Variants in YIPF5 observed in about 807,000 individuals in gnomAD.
YIPF5 encodes the protein Yip1 domain family member 5.
Under a neutral mutation model 30.4 loss-of-function variants are expected in YIPF5, and 8 were observed. The ratio of observed to expected loss-of-function variants is 0.26; its 90% CI spans 0.15 to 0.47. The LOEUF is 0.47. Ranked by LOEUF, YIPF5 falls within the 20% of genes least tolerant of loss-of-function variation. YIPF5 has a pLI of 0.99. For missense variants in YIPF5, 282 were observed against 301.8 expected (o/e 0.93, Z 0.49); for synonymous variants, 104 against 107.9 (o/e 0.96, Z 0.23).
chr5:144,168,571 A>T (rs894132999), intron 2 of YIPF5, among the ~76,000 whole-genome samples: 1 of 152,244 alleles, frequency 6.6e-6, no homozygotes, highest in Non-Finnish European at 1.5e-5. Flanking sequence ...CCATTAATTT[A>T]TCAAAAGAGA....
chr5:144,160,871 T>C (rs1752019125), intron 5 of YIPF5, among the ~76,000 whole-genome samples: 1 of 152,210 alleles, frequency 6.6e-6, no homozygotes, highest in Non-Finnish European at 1.5e-5. Context: ...TTGTGGGGGC[T>C]GTCCTGTGCA....
At chr5:144,162,155 A>G (rs1752066448) in intron 5 of YIPF5, 63 bp downstream of exon 5, 1 of 1,516,996 alleles carries the variant, frequency 6.6e-7, no homozygotes, top group Non-Finnish European at 8.9e-7. Context: ...CAAACTGAAG[A>G]TGAGGTGAAT....
rs914233381 is a variant in YIPF5 at position 144,169,735 on chromosome 5, T to C, written c.110+111A>G. 31 of 858,354 alleles carry C rather than the reference T, an allele frequency of 3.6e-5. No individual in the cohort carries two copies. In the East Asian group the frequency reaches 7.5e-4, roughly 21 times the overall value. The allele number at this position is 858,354 out of a possible 1,614,324, so 53.2% of individuals were successfully genotyped here. Reference sequence around the variant, plus strand: ...GAAGAAGATTATGCATGAAAGATCATACTCCTGATAAAGGACATGTTCACA... The same window carrying C: ...GAAGAAGATTATGCATGAAAGATCACACTCCTGATAAAGGACATGTTCACA... On this transcript the variant is annotated intron_variant, in intron 2 of 5. Transcript: ENST00000274496.
At position 144,160,411 on chromosome 5, in the gene YIPF5, T is replaced by G; in HGVS notation, c.760A>C (p.Ile254Leu). The G allele has an allele frequency of 6.2e-7, 1 of 1,612,138 alleles. No individual in the cohort carries two copies. Among genetic ancestry groups the G allele is most frequent in the Non-Finnish European group, 8.5e-7 (1 of 1,178,708 alleles). ...CAGATAAATTTTCAAAAGACGGAAA[T>G]CAGGGCAAAGACTCCATATAACAAA... is the stretch of plus-strand genomic sequence containing the variant. Reference protein sequence around the residue: ...CALLYGVFALISVF With the variant: ...CALLYGVFALLSVF Residue 254 changes from isoleucine (I) to leucine (L), a missense_variant, in exon 6 of 6, where the codon ATT becomes CTT. Ile to Leu is a conservative substitution (Grantham distance 5). Transcript: ENST00000274496.
chr5:144,165,117 C>G (rs140125580), intron 3 of YIPF5, among the ~76,000 whole-genome samples: 1 of 152,288 alleles, frequency 6.6e-6, no homozygotes, highest in Non-Finnish European at 1.5e-5. Context: ...TTTATTTCCA[C>G]ACAGAATAAT....
Position 144,165,538 on chromosome 5 carries a change from T to C in YIPF5, c.177A>G (p.Gln59=). The C allele has an allele frequency of 6.2e-7, 1 of 1,614,100 alleles. No individual in the cohort carries two copies. The highest frequency in any genetic ancestry group is 8.5e-7 in the Non-Finnish European group (1 of 1,180,008). ...RFVPPDMMQP[Q]QPYTGQIYQP... Reference sequence around the variant, plus strand: ...GGTAAATCTGCCCGGTGTATGGCTGTTGTGGCTGCATCATGTCTGGAGGGA... The same window carrying C: ...GGTAAATCTGCCCGGTGTATGGCTGCTGTGGCTGCATCATGTCTGGAGGGA... The change falls in exon 3 of 6, where the codon CAA becomes CAG. Residue 59 remains glutamine, a synonymous_variant. Coordinates refer to ENST00000274496, the MANE Select transcript of YIPF5 (RefSeq NM_030799.9).
chr5:144,161,946 C>T (rs1045593757), intron 5 of YIPF5, among the ~76,000 whole-genome samples: 3 of 152,022 alleles, frequency 2.0e-5, no homozygotes, highest in Admixed American at 6.5e-5. Flanking sequence ...TTAATAATTA[C>T]CCTGTTCAAT....
In YIPF5 at chr5:144,159,496, A is replaced by G; in HGVS notation, c.*901T>C. 11 of 980,500 alleles carry G rather than the reference A, an allele frequency of 1.1e-5. No individual in the cohort carries two copies. Among genetic ancestry groups the G allele is most frequent in the Non-Finnish European group, 1.2e-5 (10 of 827,914 alleles). 60.7% of individuals were successfully genotyped at this position (980,500 alleles called of 1,614,324 possible). A position where few individuals can be genotyped will look rare whatever the true frequency, so the allele number is the denominator to read the frequency against. On this transcript the variant is annotated 3_prime_UTR_variant, in exon 6 of 6. Coordinates refer to ENST00000274496, the MANE Select transcript of YIPF5 (RefSeq NM_030799.9). ...AAGTAAGTGTTCGCATTTCATGTCT[A>G]CAATAAGGTAGATTGTGAACTTCCC...
At chr5:144,166,373 A>C (rs1345497629) in intron 2 of YIPF5, among the ~76,000 whole-genome samples, 1 of 152,194 alleles carries the variant, frequency 6.6e-6, no homozygotes, top group African/African-American at 2.4e-5. Context: ...CTGAAGCCAC[A>C]TCTTTACGCA....
chr5:144,167,207 A>G (rs1483622509), intron 2 of YIPF5, among the ~76,000 whole-genome samples: 1 of 152,190 alleles, frequency 6.6e-6, no homozygotes, highest in East Asian at 1.9e-4. Flanking sequence ...TCCATCTTCA[A>G]GAGGAAAGGT....
At chr5:144,162,131 T>G in intron 5 of YIPF5, 87 bp downstream of exon 5, 1 of 1,405,116 alleles carries the variant, frequency 7.1e-7, no homozygotes, top group Non-Finnish European at 9.8e-7. Context: ...GTTTGCTGAA[T>G]CGGTGATTTA....
At chr5:144,167,637 C>T (rs756410387) in intron 2 of YIPF5, among the ~76,000 whole-genome samples, 1 of 150,666 alleles carries the variant, frequency 6.6e-6, no homozygotes, top group African/African-American at 2.4e-5. Context: ...ATCAAAGGGC[C>T]TTTTATACTT....
chr5:144,163,469 A>G (rs1273114236), intron 4 of YIPF5, among the ~76,000 whole-genome samples: 2 of 152,182 alleles, frequency 1.3e-5, no homozygotes, highest in Non-Finnish European at 2.9e-5. Flanking sequence ...ATTTTCTATG[A>G]GAGGAAACTG....
chr5:144,163,964 G>C, intron 4 of YIPF5, 147 bp downstream of exon 4: 1 of 751,640 alleles, frequency 1.3e-6, no homozygotes, highest in Non-Finnish European at 2.0e-6. Context: ...CTAATGAATA[G>C]GTATAAATAC....
chr5:144,169,337 A>G (rs892733715), intron 2 of YIPF5, among the ~76,000 whole-genome samples: 6 of 152,192 alleles, frequency 3.9e-5, no homozygotes, highest in African/African-American at 7.2e-5. Flanking sequence ...AGGGTTTGAG[A>G]AGGAGGAGTA....
chr5:144,162,104 G>A, intron 5 of YIPF5, 114 bp downstream of exon 5: 1 of 1,145,978 alleles, frequency 8.7e-7, no homozygotes, highest in South Asian at 1.5e-5. Context: ...CCTACTACAA[G>A]AGGCACTATC....
At position 144,159,615 on chromosome 5, in the gene YIPF5, T is replaced by C. The variant is rs1003617924; in HGVS notation, c.*782A>G. 7.1e-6 allele frequency: 7 copies of C among 985,280 alleles called. No individual in the cohort carries two copies. The highest frequency in any genetic ancestry group is 7.0e-5 in the African/African-American group (4 of 57,234). The allele number at this position is 985,280 out of a possible 1,614,324, so 61.0% of individuals were successfully genotyped here. ...CTCATACTCTACATTTGGATCACTT[T>C]TTTGCTTTGAGTTACCTGACTTGAG... On this transcript the variant is annotated 3_prime_UTR_variant, in exon 6 of 6. Coordinates refer to ENST00000274496, the MANE Select transcript of YIPF5 (RefSeq NM_030799.9).
In YIPF5 at chr5:144,159,069, GAAC is replaced by G; in HGVS notation, c.*1325_*1327del. The G allele has an allele frequency of 1.0e-6, 1 of 983,534 alleles. No individual in the cohort carries two copies. The highest frequency in any genetic ancestry group is 1.2e-6 in the Non-Finnish European group (1 of 828,336). The allele number at this position is 983,534 out of a possible 1,614,324, so 60.9% of individuals were successfully genotyped here. On this transcript the variant is annotated 3_prime_UTR_variant, in exon 6 of 6. Transcript: ENST00000274496. ...TTCCTACAGATTCTCTCTGGCAAGA[GAAC>G]ATGACAATATAAATCAAATAAATTT...
At chr5:144,169,795 G>A in intron 2 of YIPF5, 51 bp downstream of exon 2, 1 of 1,431,878 alleles carries the variant, frequency 7.0e-7, no homozygotes, top group East Asian at 2.3e-5. Flanking sequence ...TTCTAAATAT[G>A]TGTTTTCACT....
Sources: allele counts gnomAD v4.1 joint callset (sites outside exome capture counted in the v4.1 genomes callset), GRCh38; gene constraint gnomAD v4.1.1; transcripts MANE v1.5; gene names NCBI Gene and HGNC (gene_info 2026-07-23, HGNC 2026-07-21).